Variants in SH3RF3 observed in about 807,000 individuals in gnomAD.
The protein encoded by SH3RF3 is SH3 domain containing ring finger 3.
SH3RF3 carries 29 observed loss-of-function variants against 66.3 expected under a neutral mutation model. That is an observed-to-expected ratio of 0.44 (90% CI 0.33 to 0.60). SH3RF3 has a LOEUF of 0.60. Ranked by LOEUF, SH3RF3 falls within the 20% of genes least tolerant of loss-of-function variation. The probability of loss-of-function intolerance (pLI) is 0.04; values close to 1 mark genes in which losing one functional copy is unlikely to be tolerated. For synonymous variants in SH3RF3, 583 were observed against 532.0 expected (o/e 1.10, Z -1.32); for missense variants, 1,194 against 1,190.9 (o/e 1.00, Z -0.04).
chr2:109,414,729 G>T (rs796746677), intron 4 of SH3RF3, among the ~76,000 whole-genome samples: 4 of 152,160 alleles, frequency 2.6e-5, no homozygotes, highest in African/African-American at 9.7e-5. Flanking sequence ...CAAACACTGC[G>T]TGTCCAGCAC....
intron 6 of SH3RF3, among the ~76,000 whole-genome samples, chr2:109,433,783 G>T (rs1677317760): frequency 6.6e-6 from 1 of 152,224 alleles, no homozygotes; most frequent in Non-Finnish European, 1.5e-5. Flanking sequence ...TGAAAGGTCT[G>T]CAGGCACAAG....
intron 2 of SH3RF3, among the ~76,000 whole-genome samples, chr2:109,356,389 C>T (rs1313059944): frequency 6.6e-6 from 1 of 152,206 alleles, no homozygotes; most frequent in Non-Finnish European, 1.5e-5. Flanking sequence ...TTGGACTTGC[C>T]TCTCTAGCCA....
intron 1 of SH3RF3, among the ~76,000 whole-genome samples, chr2:109,243,730 T>A (rs969058923): frequency 4.6e-5 from 7 of 152,070 alleles, no homozygotes; most frequent in African/African-American, 1.7e-4. Context: ...TTGAGCATGG[T>A]GTTTTCAGAG....
chr2:109,138,713 T>C lies in SH3RF3; in HGVS notation c.573+8600T>C, dbSNP rs979018339. 2.0e-5 allele frequency among the ~76,000 whole-genome samples: 3 copies of C among 152,334 alleles called. No individual in the cohort carries two copies. The South Asian group carries it at 6.2e-4, about 32-fold the overall frequency. On this transcript the variant is annotated intron_variant, in intron 1 of 9. Transcript: ENST00000309415. ...AGCTGTAGGGAACACACAGAATGAA[T>C]GGTGGCCCAGGTGCTGGGGCTGTGG...
chr2:109,136,893 A>G (rs1016898764), intron 1 of SH3RF3, among the ~76,000 whole-genome samples: 3 of 152,138 alleles, frequency 2.0e-5, no homozygotes, highest in African/African-American at 7.2e-5. Context: ...GCAAGACCTC[A>G]CCAGAGAATC....
intron 8 of SH3RF3, among the ~76,000 whole-genome samples, chr2:109,452,606 G>A (rs944534615): frequency 7.9e-5 from 12 of 152,192 alleles, no homozygotes; most frequent in African/African-American, 2.7e-4. Context: ...TCCTAGGAGC[G>A]TGGGAGATTT....
chr2:109,262,890 T>C (rs993997824), intron 1 of SH3RF3, among the ~76,000 whole-genome samples: 7 of 152,290 alleles, frequency 4.6e-5, no homozygotes, highest in African/African-American at 1.4e-4. Flanking sequence ...TGGAGTGCAG[T>C]GGCATGATCT....
intron 1 of SH3RF3, among the ~76,000 whole-genome samples, chr2:109,180,380 A>T (rs1678047515): frequency 1.3e-5 from 2 of 152,154 alleles, no homozygotes; most frequent in Admixed American, 1.3e-4. Flanking sequence ...GGCTCAGGGA[A>T]TTACTTCACA....
intron 1 of SH3RF3, among the ~76,000 whole-genome samples, chr2:109,278,376 G>A (rs778793119): frequency 6.6e-6 from 1 of 152,186 alleles, no homozygotes; most frequent in Non-Finnish European, 1.5e-5. Context: ...TTGCCAGTCT[G>A]CAGTGGTGAT....
chr2:109,237,343 A>C (rs1679672825), intron 1 of SH3RF3, among the ~76,000 whole-genome samples: 2 of 152,138 alleles, frequency 1.3e-5, no homozygotes, highest in Non-Finnish European at 2.9e-5. Context: ...AGAGGTACAC[A>C]TTGAAAAAAA....
chr2:109,213,381 G>A (rs112398587), intron 1 of SH3RF3, among the ~76,000 whole-genome samples: 16 of 152,308 alleles, frequency 1.1e-4, no homozygotes, highest in African/African-American at 3.8e-4. Flanking sequence ...CAGGAGGGAC[G>A]GACCAGGGCT....
At chr2:109,315,561 G>A (rs1191019054) in intron 1 of SH3RF3, among the ~76,000 whole-genome samples, 1 of 152,232 alleles carries the variant, frequency 6.6e-6, no homozygotes, top group South Asian at 2.1e-4. Context: ...GGGACCATGT[G>A]TGCCTGTTGT....
intron 7 of SH3RF3, among the ~76,000 whole-genome samples, chr2:109,446,558 A>G (rs1677710540): frequency 6.6e-6 from 1 of 152,194 alleles, no homozygotes; most frequent in South Asian, 2.1e-4. Flanking sequence ...GGTGGTAGGC[A>G]GGTCTCTAGA....
chr2:109,435,674 T>C (rs115123673), intron 6 of SH3RF3, among the ~76,000 whole-genome samples: 1 of 152,246 alleles, frequency 6.6e-6, no homozygotes, highest in East Asian at 1.9e-4. Context: ...TCTGCTGTCA[T>C]GAGAGGCAGA....
intron 1 of SH3RF3, among the ~76,000 whole-genome samples, chr2:109,297,855 C>G (rs778771755): frequency 8.5e-5 from 13 of 152,096 alleles, no homozygotes; most frequent in African/African-American, 3.1e-4. Flanking sequence ...TGGGCCAGTT[C>G]GCCCCACCCA....
chr2:109,373,380 A>G (rs13427606), intron 3 of SH3RF3, among the ~76,000 whole-genome samples: 59,312 of 152,102 alleles, frequency 0.39, 11,824 homozygotes, highest in African/African-American at 0.45. Context: ...AGTTCATTAC[A>G]ATGGCCCTAA....
intron 1 of SH3RF3, among the ~76,000 whole-genome samples, chr2:109,278,691 T>C (rs1680815971): frequency 6.6e-6 from 1 of 152,236 alleles, no homozygotes; most frequent in Non-Finnish European, 1.5e-5. Context: ...TTACCTTCTT[T>C]GGACCAGCAG....
chr2:109,432,612 G>T lies in SH3RF3; in HGVS notation c.1515G>T (p.Ala505=). Residue 505 remains alanine (A), a synonymous_variant, in exon 6 of 10, where the codon GCG becomes GCT. Transcript: ENST00000309415. ...EKCQDGWFKG[A]SLRTGVSGVF... is the part of the protein sequence containing the mutation. ...GTCAGGATGGCTGGTTCAAGGGGGC[G>T]TCTCTGAGGACCGGGGTCTCTGGGG... The T allele has an allele frequency of 6.2e-7, 1 of 1,613,232 alleles. No homozygotes were observed. Among genetic ancestry groups the T allele is most frequent in the Non-Finnish European group, 8.5e-7 (1 of 1,179,610 alleles).
At chr2:109,474,488 G>T (rs193159203) in intron 8 of SH3RF3, among the ~76,000 whole-genome samples, 37 of 152,306 alleles carry the variant, frequency 2.4e-4, no homozygotes, top group African/African-American at 8.2e-4. Context: ...CATGATCCCT[G>T]GGGACAGGCG....
Sources: gnomAD v4.1 joint callset for allele counts (sites outside exome capture counted in the v4.1 genomes callset) on GRCh38, gnomAD v4.1.1 for gene constraint, MANE v1.5 for transcripts, NCBI Gene and HGNC (gene_info 2026-07-23, HGNC 2026-07-21) for gene names.